The following DOT1L variants were observed in gnomAD, a reference collection of about 807,000 sequenced individuals.
The protein encoded by DOT1L is DOT1 like histone lysine methyltransferase.
Under a neutral mutation model 153.3 loss-of-function variants are expected in DOT1L, and 33 were observed. The ratio of observed to expected loss-of-function variants is 0.22; its 90% confidence interval spans 0.16 to 0.29. DOT1L has a LOEUF of 0.29. DOT1L is among the 10% of genes least tolerant of loss of function. The probability of loss-of-function intolerance (pLI) is 1.00; values close to 1 mark genes in which losing one functional copy is unlikely to be tolerated. For synonymous variants in DOT1L, 1,135 were observed against 965.1 expected (o/e 1.18, Z -3.26); for missense variants, 1,847 against 2,119.9 (o/e 0.87, Z 2.53).
intron 3 of DOT1L, among the ~76,000 whole-genome samples, chr19:2,188,830 C>G (rs753455466): frequency 1.2e-4 from 18 of 152,170 alleles, no homozygotes; most frequent in Non-Finnish European, 4.4e-5. Context: ...GCCAGGCAGA[C>G]CCCGTAGCAG....
chr19:2,218,850 C>T (rs1282388054), intron 22 of DOT1L, among the ~76,000 whole-genome samples: 4 of 152,044 alleles, frequency 2.6e-5, no homozygotes, highest in Non-Finnish European at 4.4e-5. Flanking sequence ...GTGCCCACCA[C>T]CACGCCCGGT....
Position 2,226,718 on chromosome 19 carries a change from C to G in DOT1L, c.4197C>G (p.Pro1399=), listed in dbSNP as rs768918581. The change falls in exon 27 of 28, where the codon CCC becomes CCG. Residue 1399 remains proline (P), a synonymous_variant. Coordinates refer to ENST00000398665, the MANE Select transcript of DOT1L (RefSeq NM_032482.3). ...AGEGGLPLCG[P]TDKTPLLSGK... ...AGGGCGGCCTACCGCTGTGCGGGCC[C>G]ACGGACAAGACCCCACTGCTGAGCG... The G allele has an allele frequency of 4.5e-6, 7 of 1,564,530 alleles. No individual in the cohort carries two copies. Among genetic ancestry groups the G allele is most frequent in the East Asian group, 4.5e-5 (2 of 43,972 alleles).
intron 1 of DOT1L, among the ~76,000 whole-genome samples, chr19:2,168,143 G>A (rs560955031): frequency 1.3e-5 from 2 of 152,052 alleles, no homozygotes; most frequent in Middle Eastern, 3.4e-3. Context: ...CCCCGCCACC[G>A]CCCCAGCATT....
rs763336928 is a variant in DOT1L, at chr19:2,216,640, G to A, written c.2283G>A (p.Glu761=). 27 of 1,605,540 alleles carry A rather than the reference G, an allele frequency of 1.7e-5. No individual in the cohort carries two copies. The Admixed American group carries it at 4.3e-4, about 26-fold the overall frequency. Residue 761 remains glutamate (E), a synonymous_variant, in exon 20 of 28, where the codon GAG becomes GAA. Transcript: ENST00000398665. ...GCCACGTCGGCCGGCCGCGCCTGGA[G>A]AAGCTGTCTGGCCTAGCCGCACCCG... ...TPSHVGRPRL[E]KLSGLAAPDY... is the part of the protein sequence containing the mutation.
chr19:2,219,875 C>G (rs1029374689), intron 22 of DOT1L, among the ~76,000 whole-genome samples: 5 of 152,224 alleles, frequency 3.3e-5, no homozygotes, highest in African/African-American at 1.2e-4. Context: ...CTCCTGACCT[C>G]CCTGCCTCAG....
intron 22 of DOT1L, among the ~76,000 whole-genome samples, chr19:2,218,306 T>C (rs1266769969): frequency 2.6e-5 from 4 of 152,252 alleles, no homozygotes; most frequent in Non-Finnish European, 5.9e-5. Flanking sequence ...TTGTGTAGCA[T>C]GGGCGGGATT....
Position 2,217,985 on chromosome 19 carries a change from A to C in DOT1L, c.2691+67A>C. On this transcript the variant is annotated intron_variant, in intron 22 of 27. Coordinates refer to ENST00000398665, the MANE Select transcript of DOT1L (RefSeq NM_032482.3). The surrounding 1 kb of genome is among the most constrained non-coding windows in gnomAD (Gnocchi z 7.3). ...GGCAAAACAGTCTGGGGTGCTCGAG[A>C]CCTGGCTCACTTTGCGAAGTCTCAC... 1 of 1,559,754 alleles carries C rather than the reference A, an allele frequency of 6.4e-7. No homozygotes were observed. Among genetic ancestry groups the C allele is most frequent in the Non-Finnish European group, 8.7e-7 (1 of 1,153,708 alleles).
At chr19:2,170,825 G>A (rs1313868290) in intron 1 of DOT1L, among the ~76,000 whole-genome samples, 1 of 152,064 alleles carries the variant, frequency 6.6e-6, no homozygotes, top group Non-Finnish European at 1.5e-5. Flanking sequence ...TGGATCCTCA[G>A]GGCAAGGCAT....
intron 1 of DOT1L, among the ~76,000 whole-genome samples, chr19:2,170,145 CAAAATT>C (rs1187263566): frequency 3.3e-5 from 5 of 152,092 alleles, no homozygotes; most frequent in Non-Finnish European, 7.4e-5. Flanking sequence ...AACAAACAGA[CAAAATT>C]AGATAAAGGA....
rs751252417 is a variant in DOT1L, at chr19:2,222,334, T to C, written c.3165T>C (p.Ser1055=). The stretch of plus-strand genomic sequence containing the variant: ...TCACCATCACCACTGGTGCGGGCAG[T>C]GCCAAGCAGTCGCCCTCCAGCAAGC... ...IVFTITTGAG[S]AKQSPSSKHS... Residue 1055 remains serine, a synonymous_variant, in exon 24 of 28, where the codon AGT becomes AGC. Transcript: ENST00000398665. The surrounding 1 kb of genome is among the most constrained non-coding windows in gnomAD (Gnocchi z 6.5). The C allele has an allele frequency of 1.6e-5, 25 of 1,612,714 alleles. No homozygotes were observed. Among genetic ancestry groups the C allele is most frequent in the Middle Eastern group, 1.6e-4 (1 of 6,078 alleles).
Position 2,222,839 on chromosome 19 carries a change from G to C in DOT1L, c.3390+280G>C. The C allele has an allele frequency of 4.5e-6, 2 of 444,456 alleles. No homozygotes were observed. The highest frequency in any genetic ancestry group is 7.9e-6 in the Non-Finnish European group (2 of 251,680). The allele number at this position is 444,456 out of a possible 1,614,324, so 27.5% of individuals were successfully genotyped here. A position where few individuals can be genotyped will look rare whatever the true frequency, so the allele number is the denominator to read the frequency against. On this transcript the variant is annotated intron_variant, in intron 24 of 27. Transcript: ENST00000398665. The surrounding 1 kb of genome is among the most constrained non-coding windows in gnomAD (Gnocchi z 6.5). ...GCGGGGCTTGCAGTGAACTGAGATC[G>C]GCCACTGCCTGGGCCACAGAGCGAG... is the stretch of plus-strand genomic sequence containing the variant.
In DOT1L at chr19:2,226,208, C is replaced by A. The variant is rs370280861; in HGVS notation, c.3687C>A (p.Pro1229=). 2.0e-5 allele frequency: 30 copies of A among 1,523,532 alleles called. No individual in the cohort carries two copies. The highest frequency in any genetic ancestry group is 2.6e-5 in the Non-Finnish European group (30 of 1,133,578). The allele number at this position is 1,523,532 out of a possible 1,614,324, so 94.4% of individuals were successfully genotyped here. The change falls in exon 27 of 28, where the codon CCC becomes CCA. Residue 1229 remains proline (P), a synonymous_variant. Coordinates refer to ENST00000398665, the MANE Select transcript of DOT1L (RefSeq NM_032482.3). ...GTGGTGGCTTGGCGGGAAGGAAGCCCGCGCCCGCCGGCGAGCCAGTCAATA... is the reference window on the plus strand; with the variant it reads ...GTGGTGGCTTGGCGGGAAGGAAGCCAGCGCCCGCCGGCGAGCCAGTCAATA... ...ENGGGLAGRK[P]APAGEPVNSS...
In DOT1L at chr19:2,230,334, T is replaced by A; in HGVS notation, c.*542T>A. On this transcript the variant is annotated 3_prime_UTR_variant, in exon 28 of 28. Coordinates refer to ENST00000398665, the MANE Select transcript of DOT1L (RefSeq NM_032482.3). ...ATTCCTCGGAGGCCTCCCCGCGGCC[T>A]GAGCCCCTTCCTGAGCGCCCTGGCG... is the stretch of plus-strand genomic sequence containing the variant. 2.4e-6 allele frequency: 1 copy of A among 415,190 alleles called. No individual in the cohort carries two copies. The highest frequency in any genetic ancestry group is 4.2e-6 in the Non-Finnish European group (1 of 236,666). The allele number at this position is 415,190 out of a possible 1,614,324, so 25.7% of individuals were successfully genotyped here.
chr19:2,207,738 G>A lies in DOT1L; in HGVS notation c.963+58G>A, dbSNP rs1433461931. 49 of 1,440,752 alleles carry A rather than the reference G, an allele frequency of 3.4e-5. No individual in the cohort carries two copies. Among genetic ancestry groups the A allele is most frequent in the Non-Finnish European group, 6.6e-6 (7 of 1,055,972 alleles). 89.2% of individuals were successfully genotyped at this position (1,440,752 alleles called of 1,614,324 possible). On this transcript the variant is annotated intron_variant, in intron 11 of 27. Coordinates refer to ENST00000398665, the MANE Select transcript of DOT1L (RefSeq NM_032482.3). The surrounding 1 kb of genome is among the most constrained non-coding windows in gnomAD (Gnocchi z 4.5). Reference sequence around the variant, plus strand: ...CGTCCTGGTCTTCCACCCCGCCCACGTCACACTGCTCTCTCCTTTCTCATG... The same window carrying A: ...CGTCCTGGTCTTCCACCCCGCCCACATCACACTGCTCTCTCCTTTCTCATG...
chr19:2,203,024 C>A (rs916048735), intron 9 of DOT1L, among the ~76,000 whole-genome samples: 2 of 152,228 alleles, frequency 1.3e-5, no homozygotes, highest in Non-Finnish European at 2.9e-5. Context: ...CGGGTTCAAG[C>A]GATTCTTCTG....
intron 19 of DOT1L, among the ~76,000 whole-genome samples, chr19:2,215,190 C>T (rs999841390): frequency 6.6e-6 from 1 of 152,204 alleles, no homozygotes; most frequent in African/African-American, 2.4e-5. Context: ...TGTTTGAGCC[C>T]GGGAGGTGGA....
intron 10 of DOT1L, 137 bp downstream of exon 10, chr19:2,206,934 G>A: frequency 1.2e-6 from 1 of 867,420 alleles, no homozygotes; most frequent in Non-Finnish European, 1.9e-6. Flanking sequence ...GTCCTGGGCA[G>A]TGCAGGGTGC....
At chr19:2,227,197 C>A in intron 27 of DOT1L, 70 bp downstream of exon 27, 1 of 1,556,602 alleles carries the variant, frequency 6.4e-7, no homozygotes, top group South Asian at 1.1e-5. Flanking sequence ...TTGCAGGTTC[C>A]CTTCCGCACT....
At position 2,213,979 on chromosome 19, in the gene DOT1L, T is replaced by C. The variant is rs2023809792; in HGVS notation, c.1790T>C (p.Leu597Ser). The change falls in exon 18 of 28, where the codon TTG becomes TCG. Residue 597 changes from leucine to serine, a missense_variant. Transcript: ENST00000398665. ...QDNRALRGQS[L>S]QLLKARCEEL... ...AACCGCGCGCTCCGCGGCCAGAGCT[T>C]GCAGCTGGTGGGTGCCGCGGCGCAA... 2.5e-6 allele frequency: 4 copies of C among 1,612,310 alleles called. No homozygotes were observed. Among genetic ancestry groups the C allele is most frequent in the Non-Finnish European group, 3.4e-6 (4 of 1,179,720 alleles).
Sources: gnomAD v4.1 joint callset for allele counts (sites outside exome capture counted in the v4.1 genomes callset) on GRCh38, gnomAD v4.1.1 for gene constraint, Gnocchi (gnomAD v3.1) non-coding constraint, MANE v1.5 for transcripts, NCBI Gene and HGNC (gene_info 2026-07-23, HGNC 2026-07-21) for gene names.